CD109: variants seen among roughly 807,000 people sequenced by gnomAD.
CD109 encodes CD109 molecule.
A neutral mutation model predicts 165.8 loss-of-function variants in CD109; 149 were observed. The ratio of observed to expected loss-of-function variants is 0.90; its 90% CI spans 0.79 to 1.03. The LOEUF (loss-of-function observed/expected upper bound fraction) is 1.03. Ranked by LOEUF, CD109 falls within the 50% of genes least tolerant of loss-of-function variation. CD109 has a pLI of 0.00. For missense variants in CD109, 1,712 were observed against 1,677.8 expected, an observed-to-expected ratio of 1.02 and a Z score of -0.36; for synonymous variants, 585 against 592.1, an observed-to-expected ratio of 0.99 and a Z score of 0.18.
intron 21 of CD109, 116 bp downstream of exon 21, chr6:73,787,568 C>T: frequency 1.4e-6 from 1 of 694,554 alleles, no homozygotes; most frequent in Non-Finnish European, 2.4e-6. Context: ...CTTCTTTACC[C>T]TTCTGGTAAT....
At chr6:73,780,209 C>G (rs1311026389) in intron 15 of CD109, among the ~76,000 whole-genome samples, 1 of 152,132 alleles carries the variant, frequency 6.6e-6, no homozygotes. Context: ...CTTAGGAACT[C>G]TGGATTGCTG....
Position 73,820,052 on chromosome 6 carries a change from C to G in CD109, c.4060-409C>G, listed in dbSNP as rs549436971. On this transcript the variant is annotated intron_variant, in intron 31 of 32. Coordinates refer to ENST00000287097, the MANE Select transcript of CD109 (RefSeq NM_133493.5). ...TCAGTCATTGGCTGTGGAGTACAGCCCCATCTTAGTTACCTCACCTACTGG... is the reference window on the plus strand; with the variant it reads ...TCAGTCATTGGCTGTGGAGTACAGCGCCATCTTAGTTACCTCACCTACTGG... 3.6e-4 allele frequency among the ~76,000 whole-genome samples: 55 copies of G among 152,248 alleles called. No individual in the cohort carries two copies. In the South Asian group the frequency reaches 0.011, roughly 30 times the overall value.
chr6:73,814,932 A>T, intron 29 of CD109, 49 bp from the exon 30 acceptor site: 2 of 1,383,484 alleles, frequency 1.4e-6, no homozygotes, highest in Non-Finnish European at 1.9e-6. Flanking sequence ...AGGCAAAATG[A>T]TGGAAATTTA....
chr6:73,814,978 C>A lies in CD109; in HGVS notation c.3769-3C>A. Reference sequence around the variant, plus strand: ...GTTATTTATGCTAGTTTATTTTTTACAGCTCAATGTTGTATATAATGTGAA... The same window carrying A: ...GTTATTTATGCTAGTTTATTTTTTAAAGCTCAATGTTGTATATAATGTGAA... On this transcript the variant is annotated splice_region_variant and splice_polypyrimidine_tract_variant and intron_variant, in intron 29 of 32. Transcript: ENST00000287097. The A allele has an allele frequency of 6.8e-7, 1 of 1,477,718 alleles. No homozygotes were observed. The highest frequency in any genetic ancestry group is 1.5e-5 in the South Asian group (1 of 66,626). 91.5% of individuals were successfully genotyped at this position (1,477,718 alleles called of 1,614,324 possible). A position where few individuals can be genotyped will look rare whatever the true frequency, so the allele number is the denominator to read the frequency against.
intron 19 of CD109, 34 bp downstream of exon 19, chr6:73,783,858 G>T: frequency 1.6e-6 from 2 of 1,225,148 alleles, no homozygotes; most frequent in African/African-American, 1.5e-5. Flanking sequence ...TCAGTATTAC[G>T]GTGACATTAA....
the CD109 span, among the ~76,000 whole-genome samples, chr6:73,688,713 A>G: frequency 3.3e-5 from 5 of 149,774 alleles, no homozygotes; most frequent in Non-Finnish European, 5.9e-5. Flanking sequence ...TACTTGATGA[A>G]GCTTCCATAA....
chr6:73,709,092 T>C (rs1343695624), intron 2 of CD109, among the ~76,000 whole-genome samples: 3 of 152,220 alleles, frequency 2.0e-5, no homozygotes, highest in Admixed American at 1.3e-4. Context: ...GTGTCCTGAA[T>C]GGTATTGCCT....
chr6:73,729,513 TTATTA>T (rs1772271472), intron 3 of CD109, among the ~76,000 whole-genome samples: 2 of 148,518 alleles, frequency 1.3e-5, no homozygotes, highest in Non-Finnish European at 3.0e-5. Flanking sequence ...ATTATTATTA[TTATTA>T]TTATTATTAT....
At chr6:73,705,651 A>AAGAAAAGAAAAGAAAAGAAAAGAAT (rs571181284) in intron 2 of CD109, among the ~76,000 whole-genome samples, 257 of 146,676 alleles carry the variant, frequency 1.8e-3, no homozygotes, top group Middle Eastern at 0.01. Context: ...AAGAAAAGAA[A>AAGAAAAGAAAAGAAAAGAAAAGAAT]AGAATAGAAT....
chr6:73,808,479 C>T (rs1392916), intron 26 of CD109, among the ~76,000 whole-genome samples: 53,060 of 151,730 alleles, frequency 0.35, 11,052 homozygotes, highest in Non-Finnish European at 0.44. Flanking sequence ...ATATGTGATG[C>T]CCTATGTCAG....
At chr6:73,684,115 T>C in the CD109 span, among the ~76,000 whole-genome samples, 5 of 152,194 alleles carry the variant, frequency 3.3e-5, no homozygotes, top group Non-Finnish European at 7.3e-5. Flanking sequence ...ATTTCAGTTG[T>C]TTTTGATATA....
At chr6:73,714,946 T>A (rs920440383) in intron 2 of CD109, among the ~76,000 whole-genome samples, 1 of 152,188 alleles carries the variant, frequency 6.6e-6, no homozygotes, top group Non-Finnish European at 1.5e-5. Context: ...TAATCAAAGA[T>A]ATGTATAATG....
the CD109 span, among the ~76,000 whole-genome samples, chr6:73,685,713 C>G: frequency 6.6e-5 from 10 of 152,180 alleles, no homozygotes; most frequent in Admixed American, 6.5e-4. Context: ...TGTCCATCCC[C>G]TCAAGTCCCC....
chr6:73,803,387 C>G (rs1775448990), intron 24 of CD109, 86 bp downstream of exon 24: 4 of 912,500 alleles, frequency 4.4e-6, no homozygotes. Context: ...ACAGATATAT[C>G]TCTATATATT....
At chr6:73,690,672 T>G in the CD109 span, among the ~76,000 whole-genome samples, 2 of 152,230 alleles carry the variant, frequency 1.3e-5, no homozygotes, top group Non-Finnish European at 2.9e-5. Context: ...AGTGCTGGGA[T>G]TACAGGCGTG....
chr6:73,723,055 T>C (rs1014903291), intron 2 of CD109, 196 bp from the exon 3 acceptor site: 5 of 877,246 alleles, frequency 5.7e-6, no homozygotes, highest in East Asian at 1.2e-4. Context: ...TTAATCCTGA[T>C]TTTTAATTGT....
chr6:73,789,774 TTC>T (rs1241129394), intron 22 of CD109, among the ~76,000 whole-genome samples: 8 of 143,400 alleles, frequency 5.6e-5, no homozygotes, highest in Non-Finnish European at 6.1e-5. Context: ...TTTTTTTTTT[TTC>T]CTTTGATGGA....
intron 2 of CD109, among the ~76,000 whole-genome samples, chr6:73,715,291 G>T (rs1020643039): frequency 3.3e-5 from 5 of 151,416 alleles, no homozygotes; most frequent in Admixed American, 2.6e-4. Flanking sequence ...GATGAGGCAC[G>T]GTGACTCACA....
chr6:73,790,788 C>T lies in CD109; in HGVS notation c.2702-1838C>T, dbSNP rs538247212. Reference sequence around the variant, plus strand: ...GCCCACACACACTGGGGAGGACAATCTGCTGGACCCAGTCCACCAATTCAA... The same window carrying T: ...GCCCACACACACTGGGGAGGACAATTTGCTGGACCCAGTCCACCAATTCAA... On this transcript the variant is annotated intron_variant, in intron 22 of 32. Coordinates refer to ENST00000287097, the MANE Select transcript of CD109 (RefSeq NM_133493.5). Among the ~76,000 whole-genome samples the T allele has an allele frequency of 1.1e-4, 17 of 152,272 alleles. No homozygotes were observed. In the East Asian group the frequency reaches 2.9e-3, roughly 26 times the overall value.
Sources: allele counts gnomAD v4.1 joint callset (sites outside exome capture counted in the v4.1 genomes callset), GRCh38; gene constraint gnomAD v4.1.1; transcripts MANE v1.5; gene names NCBI Gene and HGNC (gene_info 2026-07-23, HGNC 2026-07-21).